The following C8orf74 variants were observed in gnomAD, a reference collection of about 807,000 sequenced individuals.
C8orf74 encodes chromosome 8 open reading frame 74, also known as uncharacterized protein C8orf74.
In C8orf74, 29 loss-of-function variants were observed where a neutral mutation model predicts 22.2. That is an observed-to-expected ratio of 1.31 (90% CI 0.97 to 1.78). The LOEUF (loss-of-function observed/expected upper bound fraction) is 1.78. Ranked by LOEUF, C8orf74 falls within the 40% of genes most tolerant of loss-of-function variation. The pLI, the probability that C8orf74 is intolerant of heterozygous loss-of-function variation, is 0.00. For synonymous variants in C8orf74, 255 were observed against 163.1 expected (o/e 1.56, Z -4.30); for missense variants, 515 against 369.9 (o/e 1.39, Z -3.22).
At chr8:10,697,461 TAGAA>T in intron 2 of C8orf74, 134 bp from the exon 3 acceptor site, 1 of 685,804 alleles carries the variant, frequency 1.5e-6, no homozygotes, top group Non-Finnish European at 2.4e-6. Context: ...AAAAAATAAA[TAGAA>T]ATAAATATTT....
At position 10,697,876 on chromosome 8, in the gene C8orf74, G is replaced by A. The variant is rs200567245; in HGVS notation, c.519G>A (p.Glu173=). Residue 173 remains glutamate (E), a synonymous_variant, in exon 3 of 4, where the codon GAG becomes GAA. Coordinates refer to ENST00000304519, the MANE Select transcript of C8orf74 (RefSeq NM_001040032.2). Reference sequence around the variant, plus strand: ...AGCAGCAGGTGGCCACACTGACGGAGGCCGAGGCACAGAAGCGCGCCGACG... The same window carrying A: ...AGCAGCAGGTGGCCACACTGACGGAAGCCGAGGCACAGAAGCGCGCCGACG... ...IHEQQVATLT[E]AEAQKRADVL... 1.2e-6 allele frequency: 2 copies of A among 1,612,976 alleles called. No homozygotes were observed. Among genetic ancestry groups the A allele is most frequent in the African/African-American group, 2.7e-5 (2 of 75,076 alleles).
At chr8:10,685,993 C>G (rs1367455927) in intron 2 of C8orf74, among the ~76,000 whole-genome samples, 1 of 152,182 alleles carries the variant, frequency 6.6e-6, no homozygotes, top group Admixed American at 6.5e-5. Context: ...CACTTGAGCC[C>G]GGGAGGTGGA....
At chr8:10,683,687 C>G (rs992849216) in intron 2 of C8orf74, among the ~76,000 whole-genome samples, 1 of 152,178 alleles carries the variant, frequency 6.6e-6, no homozygotes, top group Non-Finnish European at 1.5e-5. Context: ...CACGGAAATC[C>G]CCACAGCTTA....
At chr8:10,672,859 G>GGGGCCCAA (rs1798946092) in intron 1 of C8orf74, 146 bp downstream of exon 1, 1 of 714,136 alleles carries the variant, frequency 1.4e-6, no homozygotes, top group Admixed American at 2.7e-5. Flanking sequence ...GACGAGATGT[G>GGGGCCCAA]GGGCCCAAAC....
chr8:10,694,802 G>T (rs1563163784), intron 2 of C8orf74, among the ~76,000 whole-genome samples: 1 of 152,190 alleles, frequency 6.6e-6, no homozygotes, highest in Non-Finnish European at 1.5e-5. Context: ...ATAGATCAAA[G>T]AATTAATGGA....
chr8:10,684,395 A>T (rs963975378), intron 2 of C8orf74, among the ~76,000 whole-genome samples: 1 of 152,226 alleles, frequency 6.6e-6, no homozygotes, highest in Non-Finnish European at 1.5e-5. Flanking sequence ...TAGGGGGACC[A>T]TTATGGACAA....
chr8:10,683,680 G>A (rs959662155), intron 2 of C8orf74, among the ~76,000 whole-genome samples: 10 of 152,152 alleles, frequency 6.6e-5, no homozygotes, highest in Admixed American at 2.0e-4. Context: ...TCAGCTCCAC[G>A]GAAATCCCCA....
chr8:10,697,930 G>A lies in C8orf74; in HGVS notation c.573G>A (p.Leu191=), dbSNP rs1027644710. 5 of 1,590,644 alleles carry A rather than the reference G, an allele frequency of 3.1e-6. No individual in the cohort carries two copies. Among genetic ancestry groups the A allele is most frequent in the Admixed American group, 1.7e-5 (1 of 58,412 alleles). ...DVLLLKEALR[L]ERENSLQKAF... is the part of the protein sequence containing the mutation. The stretch of plus-strand genomic sequence containing the variant: ...TGCTCCTGAAAGAGGCGCTGCGCCT[G>A]GAGCGGGAGAACTCGCTGCAGAAGG... The change falls in exon 3 of 4, where the codon CTG becomes CTA. Residue 191 remains leucine (L), a synonymous_variant. Transcript: ENST00000304519.
intron 2 of C8orf74, among the ~76,000 whole-genome samples, chr8:10,685,310 T>C (rs74946643): frequency 0.026 from 3,971 of 152,274 alleles, 172 homozygotes; most frequent in African/African-American, 0.09. Context: ...CCAAAAGAAT[T>C]GAAAGTGGAG....
chr8:10,678,357 G>A (rs968345314), intron 2 of C8orf74, among the ~76,000 whole-genome samples: 1 of 152,210 alleles, frequency 6.6e-6, no homozygotes, highest in Non-Finnish European at 1.5e-5. Context: ...CCTAGGAAGC[G>A]CCCAGTGAGT....
In C8orf74 at chr8:10,674,733, G is replaced by C. The variant is rs773081589; in HGVS notation, c.136G>C (p.Asp46His). The C allele has an allele frequency of 6.2e-7, 1 of 1,608,256 alleles. No homozygotes were observed. Among genetic ancestry groups the C allele is most frequent in the Middle Eastern group, 1.7e-4 (1 of 6,058 alleles). ...AGACTCCCGGAGGAGCATCCTGCTG[G>C]ACACCCTCTACGAGAGCATCATCTT... ...QRDSRRSILL[D>H]TLYESIIFAV... Residue 46 changes from aspartate to histidine, a missense_variant, in exon 2 of 4, where the codon GAC (aspartate) becomes CAC (histidine). Transcript: ENST00000304519.
intron 1 of C8orf74, among the ~76,000 whole-genome samples, 166 bp downstream of exon 1, chr8:10,672,879 G>C (rs116144810): frequency 0.011 from 1,746 of 152,274 alleles, 38 homozygotes; most frequent in African/African-American, 0.04. Context: ...CTTCAGGCCA[G>C]GGCTTACCAG....
chr8:10,677,677 C>T (rs1799061900), intron 2 of C8orf74, among the ~76,000 whole-genome samples: 1 of 152,052 alleles, frequency 6.6e-6, no homozygotes, highest in South Asian at 2.1e-4. Context: ...TCCAGGTAGC[C>T]TTGTGTTTGC....
chr8:10,678,625 T>A (rs1191425403), intron 2 of C8orf74, among the ~76,000 whole-genome samples: 7 of 150,274 alleles, frequency 4.7e-5, no homozygotes, highest in Non-Finnish European at 8.8e-5. Flanking sequence ...AACTGCAGAT[T>A]TGTTTCAGAA....
intron 2 of C8orf74, chr8:10,688,219 A>G (rs1276848006): frequency 6.6e-6 from 1 of 151,992 alleles, no homozygotes; most frequent in Non-Finnish European, 1.5e-5. Context: ...AAAAAAAAAA[A>G]AAGAAAAGAA....
chr8:10,697,285 A>T lies in C8orf74; in HGVS notation c.242-314A>T, dbSNP rs565602808. Among the ~76,000 whole-genome samples, 4 of 152,078 alleles carry T rather than the reference A, an allele frequency of 2.6e-5. No individual in the cohort carries two copies. The East Asian group carries it at 7.8e-4, about 29-fold the overall frequency. On this transcript the variant is annotated intron_variant, in intron 2 of 3. Coordinates refer to ENST00000304519, the MANE Select transcript of C8orf74 (RefSeq NM_001040032.2). Reference sequence around the variant, plus strand: ...CTCATCTCCACAAAACATAAACAAAATTAGTCAGGTTTGGTAGCATGTACC... The same window carrying T: ...CTCATCTCCACAAAACATAAACAAATTTAGTCAGGTTTGGTAGCATGTACC...
chr8:10,680,125 G>C (rs117178667), intron 2 of C8orf74: 2 of 152,260 alleles, frequency 1.3e-5, no homozygotes, highest in South Asian at 2.1e-4. Context: ...TTCAAGATGC[G>C]CAGAGGCGGC....
intron 2 of C8orf74, among the ~76,000 whole-genome samples, chr8:10,685,805 C>A (rs1359374456): frequency 6.6e-6 from 1 of 152,226 alleles, no homozygotes; most frequent in African/African-American, 2.4e-5. Flanking sequence ...TAAAGTGGCT[C>A]ACGCCTGTAA....
chr8:10,688,844 T>A (rs575875008), intron 2 of C8orf74: 4 of 151,984 alleles, frequency 2.6e-5, no homozygotes, highest in Non-Finnish European at 5.9e-5. Flanking sequence ...TGTGCTGCAG[T>A]AGGAGGTGGG....
Sources: gnomAD v4.1 joint callset for allele counts (sites outside exome capture counted in the v4.1 genomes callset) on GRCh38, gnomAD v4.1.1 for gene constraint, MANE v1.5 for transcripts, NCBI Gene and HGNC (gene_info 2026-07-23, HGNC 2026-07-21) for gene names.